The following HMGA2 variants were observed in gnomAD, a reference collection of about 807,000 sequenced individuals.
HMGA2 encodes the protein high mobility group protein HMGI-C.
HMGA2 carries 8 observed loss-of-function variants against 19.1 expected under a neutral mutation model. The observed-to-expected ratio is 0.42, with a 90% CI of 0.25 to 0.76. The LOEUF is 0.76. Ranked by LOEUF, HMGA2 falls within the 30% of genes least tolerant of loss-of-function variation. HMGA2 has a pLI of 0.28. For missense variants in HMGA2, 109 were observed against 136.3 expected (o/e 0.80, Z 1.00); for synonymous variants, 60 against 48.8 (o/e 1.23, Z -0.96).
At chr12:65,908,128 T>C (rs774833731) in intron 3 of HMGA2, among the ~76,000 whole-genome samples, 8 of 152,236 alleles carry the variant, frequency 5.3e-5, no homozygotes, top group Non-Finnish European at 1.0e-4. Context: ...AAATTTGGTA[T>C]AATTTTGTTG....
intron 3 of HMGA2, among the ~76,000 whole-genome samples, chr12:65,868,910 A>G (rs1021046843): frequency 6.6e-6 from 1 of 152,236 alleles, no homozygotes; most frequent in South Asian, 2.1e-4. Flanking sequence ...CCCCAAATGT[A>G]GACAAGGTCA....
At chr12:65,855,104 A>G (rs1354056009) in intron 3 of HMGA2, among the ~76,000 whole-genome samples, 5 of 152,210 alleles carry the variant, frequency 3.3e-5, no homozygotes, top group Non-Finnish European at 5.9e-5. Context: ...CAACAGGCGT[A>G]TTTGAGTACC....
chr12:65,838,797 T>C (rs915588931), intron 3 of HMGA2, among the ~76,000 whole-genome samples: 1 of 152,054 alleles, frequency 6.6e-6, no homozygotes, highest in African/African-American at 2.4e-5. Flanking sequence ...TTTCTATCTC[T>C]TATCAACATC....
At chr12:65,849,736 AT>A (rs34541445) in intron 3 of HMGA2, among the ~76,000 whole-genome samples, 2,012 of 85,094 alleles carry the variant, frequency 0.024, 23 homozygotes, top group African/African-American at 0.06. Flanking sequence ...TAGGCTCTGT[AT>A]TTTTTTTTTT....
intron 3 of HMGA2, among the ~76,000 whole-genome samples, chr12:65,928,332 A>G (rs1875588278): frequency 6.6e-6 from 1 of 152,232 alleles, no homozygotes; most frequent in South Asian, 2.1e-4. Flanking sequence ...GGCACTTACC[A>G]TGGATGGAAA....
chr12:65,855,888 C>CT (rs75138426), intron 3 of HMGA2: 3,677 of 140,070 alleles, frequency 0.026, 61 homozygotes, highest in East Asian at 0.096. Flanking sequence ...GCTGTTTTTT[C>CT]TTTTTTTTTT....
chr12:65,864,997 C>T (rs73119881), intron 3 of HMGA2, among the ~76,000 whole-genome samples: 2,671 of 152,198 alleles, frequency 0.018, 47 homozygotes, highest in South Asian at 0.04. Flanking sequence ...CTCTGTTACC[C>T]CTGAAACAGC....
chr12:65,963,629 C>A lies in HMGA2; in HGVS notation c.*337C>A. 1 of 399,076 alleles carries A rather than the reference C, an allele frequency of 2.5e-6. No individual in the cohort carries two copies. The highest frequency in any genetic ancestry group is 2.8e-5 in the South Asian group (1 of 35,268). 24.7% of individuals were successfully genotyped at this position (399,076 alleles called of 1,614,324 possible). ...TGTTGATCTGATAAGCAAGAGTGGGCGGGTGAGAAAAACCGAATTGGGTTT... is the reference window on the plus strand; with the variant it reads ...TGTTGATCTGATAAGCAAGAGTGGGAGGGTGAGAAAAACCGAATTGGGTTT... On this transcript the variant is annotated 3_prime_UTR_variant, in exon 5 of 5. Coordinates refer to ENST00000403681, the MANE Select transcript of HMGA2 (RefSeq NM_003483.6).
intron 3 of HMGA2, chr12:65,842,257 A>G (rs913530474): frequency 1.8e-6 from 1 of 557,850 alleles, no homozygotes; most frequent in African/African-American, 1.9e-5. Context: ...TGCAAAAGGT[A>G]TATTTCTCAT....
chr12:65,846,377 G>A (rs1034291430), intron 3 of HMGA2, among the ~76,000 whole-genome samples: 8 of 152,150 alleles, frequency 5.3e-5, no homozygotes, highest in African/African-American at 1.9e-4. Flanking sequence ...CTCAGGTTGT[G>A]GAATGTAGTT....
intron 3 of HMGA2, chr12:65,915,035 C>T (rs2121225073): frequency 6.2e-7 from 1 of 1,613,004 alleles, no homozygotes; most frequent in South Asian, 1.1e-5. Context: ...TGCCATATGC[C>T]CCATCCTGAT....
intron 3 of HMGA2, among the ~76,000 whole-genome samples, chr12:65,878,415 C>T (rs1223896798): frequency 3.9e-5 from 6 of 152,216 alleles, no homozygotes; most frequent in African/African-American, 1.4e-4. Flanking sequence ...AAACGTGTAA[C>T]TGTATAGCAA....
chr12:65,932,974 C>T (rs1728631570), intron 3 of HMGA2, among the ~76,000 whole-genome samples: 1 of 152,194 alleles, frequency 6.6e-6, no homozygotes, highest in South Asian at 2.1e-4. Flanking sequence ...ATCTTGGGCA[C>T]ATACCACAGA....
At chr12:65,826,254 G>GC (rs1043393628) in intron 1 of HMGA2, 3 of 152,418 alleles carry the variant, frequency 2.0e-5, no homozygotes, top group African/African-American at 7.2e-5. Flanking sequence ...CGATCGAGGG[G>GC]CGCCCGGGAC....
intron 3 of HMGA2, chr12:65,915,025 T>C (rs374665064): frequency 1.0e-4 from 162 of 1,612,404 alleles, no homozygotes; most frequent in Non-Finnish European, 1.3e-4. Flanking sequence ...GAGGTATTCA[T>C]GCCATATGCC....
chr12:65,891,579 A>G (rs1873913766), intron 3 of HMGA2, among the ~76,000 whole-genome samples: 1 of 152,212 alleles, frequency 6.6e-6, no homozygotes, highest in Non-Finnish European at 1.5e-5. Flanking sequence ...TGAAAGTGAC[A>G]TGATGCACAG....
At chr12:65,837,630 T>C (rs2120868736) in intron 2 of HMGA2, among the ~76,000 whole-genome samples, 1 of 152,318 alleles carries the variant, frequency 6.6e-6, no homozygotes, top group East Asian at 1.9e-4. Context: ...GATATGTGTG[T>C]GTATTGGTGT....
rs771341762 is a variant in HMGA2, at chr12:65,963,729, C to T, written c.*437C>T. The T allele has an allele frequency of 4.5e-5, 16 of 357,194 alleles. No individual in the cohort carries two copies. The highest frequency in any genetic ancestry group is 1.9e-4 in the African/African-American group (9 of 47,702). 22.1% of individuals were successfully genotyped at this position (357,194 alleles called of 1,614,324 possible). On this transcript the variant is annotated 3_prime_UTR_variant, in exon 5 of 5. Coordinates refer to ENST00000403681, the MANE Select transcript of HMGA2 (RefSeq NM_003483.6). ...GTCGGGCATTCATATAGGAAGAACGCGGTGTGTAACACTGTGTACACCTCA... is the reference window on the plus strand; with the variant it reads ...GTCGGGCATTCATATAGGAAGAACGTGGTGTGTAACACTGTGTACACCTCA...
chr12:65,873,061 C>T (rs1872788404), intron 3 of HMGA2, among the ~76,000 whole-genome samples: 1 of 152,206 alleles, frequency 6.6e-6, no homozygotes, highest in Admixed American at 6.5e-5. Flanking sequence ...AAATACGGTG[C>T]CCCCGCCAAC....
Sources: gnomAD v4.1 joint callset for allele counts (sites outside exome capture counted in the v4.1 genomes callset) on GRCh38, gnomAD v4.1.1 for gene constraint, MANE v1.5 for transcripts, NCBI Gene and HGNC (gene_info 2026-07-23, HGNC 2026-07-21) for gene names.